OR7E24: variants seen among roughly 807,000 people sequenced by gnomAD.
OR7E24 encodes the protein olfactory receptor 7E24.
For synonymous variants in OR7E24, 130 were observed against 157.5 expected, an observed-to-expected ratio of 0.83 and a Z score of 1.31; for missense variants, 385 against 410.3, an observed-to-expected ratio of 0.94 and a Z score of 0.53.
the OR7E24 span, among the ~76,000 whole-genome samples, chr19:9,232,694 G>A: frequency 6.6e-6 from 1 of 152,000 alleles, no homozygotes; most frequent in East Asian, 1.9e-4. Context: ...AGACCCACTC[G>A]GCAGCGCCTC....
rs750247164 is a variant in OR7E24 at position 9,251,329 on chromosome 19, G to C, written c.286G>C (p.Val96Leu). Residue 96 changes from valine (V) to leucine (L), a missense_variant, in exon 1 of 1, where the codon GTC (valine) becomes CTC (leucine). Coordinates refer to ENST00000456448, the MANE Select transcript of OR7E24 (RefSeq NM_001079935.2). ...TGACATCGGTTTCACCTCCACCACG[G>C]TCCCCAAGATGATTGTGGACATGCA... ...LADIGFTSTT[V>L]PKMIVDMQTH... 39 of 1,613,786 alleles carry C rather than the reference G, an allele frequency of 2.4e-5. No individual in the cohort carries two copies. Among genetic ancestry groups the C allele is most frequent in the Non-Finnish European group, 3.1e-5 (37 of 1,180,018 alleles).
At chr19:9,246,201 C>T (rs375913977), upstream of OR7E24, among the ~76,000 whole-genome samples, 1 of 149,166 alleles carries the variant, frequency 6.7e-6, no homozygotes, top group African/African-American at 2.5e-5. Context: ...TCCCAAGTAG[C>T]TGGGATTACA....
At chr19:9,227,749 CT>C in the OR7E24 span, among the ~76,000 whole-genome samples, 99 of 107,900 alleles carry the variant, frequency 9.2e-4, no homozygotes, top group East Asian at 4.9e-3. Flanking sequence ...AATGGTATTT[CT>C]TTTTTTTTTT....
the OR7E24 span, among the ~76,000 whole-genome samples, chr19:9,216,507 T>C: frequency 6.6e-6 from 1 of 152,064 alleles, no homozygotes; most frequent in South Asian, 2.1e-4. Flanking sequence ...TATTGAAGAG[T>C]GAAATTAAAT....
Position 9,251,562 on chromosome 19 carries a change from C to T in OR7E24, c.519C>T (p.Asp173=). ...ILLSFFISLL[D]SQLHNLIMLQ... is the part of the protein sequence containing the mutation. The stretch of plus-strand genomic sequence containing the variant: ...TGTCTTTTTTTATTAGTCTTTTGGA[C>T]TCCCAGTTGCACAATTTGATTATGT... The change falls in exon 1 of 1, where the codon GAC becomes GAT. Residue 173 remains aspartate (D), a synonymous_variant. Coordinates refer to ENST00000456448, the MANE Select transcript of OR7E24 (RefSeq NM_001079935.2). 2 of 1,613,976 alleles carry T rather than the reference C, an allele frequency of 1.2e-6. No homozygotes were observed. The highest frequency in any genetic ancestry group is 1.7e-6 in the Non-Finnish European group (2 of 1,179,934).
the OR7E24 span, chr19:9,236,114 A>T: frequency 8.7e-7 from 1 of 1,149,688 alleles, no homozygotes; most frequent in Non-Finnish European, 1.3e-6. Flanking sequence ...AGAGGATGCT[A>T]TGGGTCCCTT....
chr19:9,248,225 A>G (rs2066135897), upstream of OR7E24, among the ~76,000 whole-genome samples: 2 of 152,188 alleles, frequency 1.3e-5, no homozygotes, highest in African/African-American at 2.4e-5. Context: ...TCACCATGAC[A>G]TCATGAATTC....
the OR7E24 span, chr19:9,213,913 C>G: frequency 6.2e-7 from 1 of 1,613,388 alleles, no homozygotes; most frequent in Non-Finnish European, 8.5e-7. Flanking sequence ...GGACAAGAGT[C>G]GGCCCTGCTG....
the OR7E24 span, among the ~76,000 whole-genome samples, chr19:9,232,431 A>G: frequency 6.7e-6 from 1 of 149,460 alleles, no homozygotes; most frequent in Non-Finnish European, 1.5e-5. Context: ...CCAGCTATTC[A>G]GGAGGCTGAG....
At chr19:9,219,901 A>G in the OR7E24 span, among the ~76,000 whole-genome samples, 7 of 152,180 alleles carry the variant, frequency 4.6e-5, no homozygotes. Flanking sequence ...CCCTAAGGAA[A>G]GATTAATTTC....
At chr19:9,223,435 A>AT in the OR7E24 span, among the ~76,000 whole-genome samples, 156 of 152,206 alleles carry the variant, frequency 1.0e-3, 1 homozygote, top group East Asian at 0.028. Flanking sequence ...CAACACAAAT[A>AT]TTTTCATTTA....
the OR7E24 span, among the ~76,000 whole-genome samples, chr19:9,241,093 G>T: frequency 6.6e-6 from 1 of 152,160 alleles, no homozygotes; most frequent in Non-Finnish European, 1.5e-5. Context: ...TGGGATTACA[G>T]GCATGAGCCA....
chr19:9,239,201 G>A, the OR7E24 span, among the ~76,000 whole-genome samples: 1 of 149,532 alleles, frequency 6.7e-6, no homozygotes, highest in Admixed American at 6.7e-5. Flanking sequence ...ATGGAGTCTT[G>A]CTCTGTTGCC....
upstream of OR7E24, among the ~76,000 whole-genome samples, chr19:9,245,544 T>A (rs1324060284): frequency 6.6e-6 from 1 of 152,194 alleles, no homozygotes; most frequent in Non-Finnish European, 1.5e-5. Context: ...GCAAGTTCAC[T>A]TCTGGGTGCA....
the OR7E24 span, among the ~76,000 whole-genome samples, chr19:9,215,471 T>C: frequency 2.6e-5 from 4 of 152,142 alleles, no homozygotes; most frequent in Non-Finnish European, 5.9e-5. Flanking sequence ...TAAAGGTATG[T>C]CATGTCTTTT....
the OR7E24 span, among the ~76,000 whole-genome samples, chr19:9,226,351 G>C: frequency 6.6e-6 from 1 of 152,220 alleles, no homozygotes; most frequent in African/African-American, 2.4e-5. Flanking sequence ...AACCTGATGT[G>C]TCCACCCTAC....
At chr19:9,218,540 A>G in the OR7E24 span, among the ~76,000 whole-genome samples, 1 of 152,234 alleles carries the variant, frequency 6.6e-6, no homozygotes, top group Non-Finnish European at 1.5e-5. Flanking sequence ...AAGATATGCT[A>G]TGTTAAAACA....
At chr19:9,226,315 T>A in the OR7E24 span, among the ~76,000 whole-genome samples, 1 of 152,236 alleles carries the variant, frequency 6.6e-6, no homozygotes, top group Non-Finnish European at 1.5e-5. Flanking sequence ...GAGAGTATAC[T>A]GAACAAAGGA....
chr19:9,206,825 G>T, the OR7E24 span: 1 of 152,134 alleles, frequency 6.6e-6, no homozygotes, highest in Non-Finnish European at 1.5e-5. Context: ...CTTTAAGCAG[G>T]CTATGTGTGA....
Sources: gnomAD v4.1 joint callset for allele counts (sites outside exome capture counted in the v4.1 genomes callset) on GRCh38, gnomAD v4.1.1 for gene constraint, MANE v1.5 for transcripts, NCBI Gene and HGNC (gene_info 2026-07-23, HGNC 2026-07-21) for gene names.